Variants in UBE2W observed in about 807,000 individuals in gnomAD.
The protein encoded by UBE2W is ubiquitin conjugating enzyme E2 W.
A neutral mutation model predicts 27.2 loss-of-function variants in UBE2W; 18 were observed. That is an observed-to-expected ratio of 0.66 (90% CI 0.46 to 0.98). The LOEUF is 0.98. Ranked by LOEUF, UBE2W falls within the 50% of genes least tolerant of loss-of-function variation. The pLI, the probability that UBE2W is intolerant of heterozygous loss-of-function variation, is 0.00. For missense variants in UBE2W, 90 were observed against 180.2 expected (o/e 0.50, Z 2.87); for synonymous variants, 53 against 57.2 (o/e 0.93, Z 0.33).
intron 1 of UBE2W, among the ~76,000 whole-genome samples, chr8:73,871,811 ATTTTTT>A (rs1812018370): frequency 6.6e-6 from 1 of 152,096 alleles, no homozygotes; most frequent in Admixed American, 6.6e-5. Flanking sequence ...TCATCCCTTT[ATTTTTT>A]ATTTTTATAT....
intron 3 of UBE2W, among the ~76,000 whole-genome samples, chr8:73,816,230 T>G (rs1483352532): frequency 2.6e-5 from 4 of 152,210 alleles, no homozygotes; most frequent in Non-Finnish European, 5.9e-5. Context: ...CTTTATACTC[T>G]ATGTTCTTTT....
chr8:73,851,426 T>C (rs1464348859), intron 1 of UBE2W, among the ~76,000 whole-genome samples: 2 of 150,028 alleles, frequency 1.3e-5, no homozygotes, highest in Non-Finnish European at 2.9e-5. Context: ...TACAAGGGAT[T>C]GTGTTTTCAA....
intron 1 of UBE2W, among the ~76,000 whole-genome samples, chr8:73,844,174 C>CTCCCTCTT (rs1563612623): frequency 3.6e-5 from 5 of 138,478 alleles, no homozygotes; most frequent in African/African-American, 1.4e-4. Flanking sequence ...CCCTCCCCCT[C>CTCCCTCTT]TGCACGGACT....
At chr8:73,849,563 G>A (rs1429572966) in intron 1 of UBE2W, among the ~76,000 whole-genome samples, 2 of 135,910 alleles carry the variant, frequency 1.5e-5, no homozygotes, top group African/African-American at 5.4e-5. Context: ...TTCCAAACTA[G>A]TAGAGGTATG....
At chr8:73,851,465 A>C (rs1192266633) in intron 1 of UBE2W, among the ~76,000 whole-genome samples, 1 of 152,230 alleles carries the variant, frequency 6.6e-6, no homozygotes, top group Non-Finnish European at 1.5e-5. Context: ...ACAGGAAAAA[A>C]TATACATTTT....
intron 1 of UBE2W, chr8:73,834,032 C>T (rs1163408313): frequency 6.6e-6 from 1 of 152,354 alleles, no homozygotes; most frequent in East Asian, 1.9e-4. Context: ...GGCACCTACA[C>T]TACACCCAGC....
chr8:73,814,588 T>C (rs1809309738), intron 3 of UBE2W, among the ~76,000 whole-genome samples: 1 of 152,136 alleles, frequency 6.6e-6, no homozygotes, highest in Non-Finnish European at 1.5e-5. Flanking sequence ...GCCCGATCTC[T>C]GCTCACTGCA....
At chr8:73,805,535 A>G (rs547152760) in intron 5 of UBE2W, 116 bp downstream of exon 5, 11 of 398,198 alleles carry the variant, frequency 2.8e-5, no homozygotes, top group African/African-American at 1.5e-4. Context: ...TTTTCTTCAT[A>G]TAACATAAAT....
At chr8:73,845,000 C>T (rs368037052) in intron 1 of UBE2W, among the ~76,000 whole-genome samples, 1 of 151,946 alleles carries the variant, frequency 6.6e-6, no homozygotes, top group African/African-American at 2.4e-5. Flanking sequence ...GCAGCCGCCC[C>T]GTCCAGGAGG....
Position 73,792,397 on chromosome 8 carries a change from CCCA to C in UBE2W, c.*1702_*1704del, listed in dbSNP as rs1808241868. ...ATAGCAGACATATTTTTGAAGTCTA[CCCA>C]CCCCTGAGTTCAGCAATTATACTTT... On this transcript the variant is annotated 3_prime_UTR_variant, in exon 6 of 6. Transcript: ENST00000602593. The C allele has an allele frequency of 2.6e-5, 26 of 985,144 alleles. No individual in the cohort carries two copies. In the South Asian group the frequency reaches 1.0e-3, roughly 39 times the overall value. The allele number at this position is 985,144 out of a possible 1,614,324, so 61.0% of individuals were successfully genotyped here. A position where few individuals can be genotyped will look rare whatever the true frequency, so the allele number is the denominator to read the frequency against.
chr8:73,853,625 T>C (rs1404756608), intron 1 of UBE2W, among the ~76,000 whole-genome samples: 1 of 152,082 alleles, frequency 6.6e-6, no homozygotes, highest in Non-Finnish European at 1.5e-5. Flanking sequence ...ACATGCAACT[T>C]TGGATAAGTA....
chr8:73,808,846 G>A (rs1219432289), intron 4 of UBE2W, among the ~76,000 whole-genome samples: 1 of 152,080 alleles, frequency 6.6e-6, no homozygotes, highest in Non-Finnish European at 1.5e-5. Context: ...GAATGTAAGG[G>A]GAATGGTGAG....
rs543495313 is a variant in UBE2W at position 73,786,815 on chromosome 8, G to A, written c.*7287C>T. On this transcript the variant is annotated 3_prime_UTR_variant, in exon 6 of 6. Coordinates refer to ENST00000602593, the MANE Select transcript of UBE2W (RefSeq NM_018299.6). ...CTCAACAGGACTTGAAAAATGCAAG[G>A]AGAGGACTACTGAGTATCATTGCTT... 7.1e-6 allele frequency: 7 copies of A among 985,418 alleles called. No individual in the cohort carries two copies. The South Asian group carries it at 2.3e-4, about 33-fold the overall frequency. 61.0% of individuals were successfully genotyped at this position (985,418 alleles called of 1,614,324 possible). A position where few individuals can be genotyped will look rare whatever the true frequency, so the allele number is the denominator to read the frequency against.
At chr8:73,861,737 A>C (rs1811541845) in intron 1 of UBE2W, among the ~76,000 whole-genome samples, 1 of 152,178 alleles carries the variant, frequency 6.6e-6, no homozygotes, top group East Asian at 1.9e-4. Context: ...CTCATAACTG[A>C]GCCTATGGAA....
At chr8:73,815,511 A>G (rs879297404) in intron 3 of UBE2W, among the ~76,000 whole-genome samples, 1 of 152,254 alleles carries the variant, frequency 6.6e-6, no homozygotes, top group South Asian at 2.1e-4. Flanking sequence ...GTACACTTCT[A>G]TATGTTTATA....
At chr8:73,808,016 T>C (rs565167326) in intron 4 of UBE2W, among the ~76,000 whole-genome samples, 2 of 152,194 alleles carry the variant, frequency 1.3e-5, no homozygotes, top group Non-Finnish European at 2.9e-5. Flanking sequence ...TACAATCTAA[T>C]GACATACTGG....
chr8:73,805,113 T>C (rs1472475941), intron 5 of UBE2W, among the ~76,000 whole-genome samples: 1 of 152,052 alleles, frequency 6.6e-6, no homozygotes, highest in Non-Finnish European at 1.5e-5. Flanking sequence ...CAAAGTAATT[T>C]TACATTTTAC....
rs901624939 is a variant in UBE2W at position 73,791,102 on chromosome 8, T to C, written c.*3000A>G. On this transcript the variant is annotated 3_prime_UTR_variant, in exon 6 of 6. Transcript: ENST00000602593. ...TCTTCTGGGGATTAAAAATGATTTA[T>C]TTCCCTGCTGGCTAAAATGATAAAT... 6.1e-6 allele frequency: 6 copies of C among 984,932 alleles called. No individual in the cohort carries two copies. In the African/African-American group the frequency reaches 1.0e-4, roughly 17 times the overall value. The allele number at this position is 984,932 out of a possible 1,614,324, so 61.0% of individuals were successfully genotyped here.
At chr8:73,780,112 A>G (rs1163008161) in exon 5 of UBE2W, 2 of 153,394 alleles carry the variant, frequency 1.3e-5, no homozygotes, top group African/African-American at 2.4e-5. Context: ...AAAAGAAACC[A>G]GACATTTATT....
Sources: allele counts gnomAD v4.1 joint callset (sites outside exome capture counted in the v4.1 genomes callset), GRCh38; gene constraint gnomAD v4.1.1; transcripts MANE v1.5; gene names NCBI Gene and HGNC (gene_info 2026-07-23, HGNC 2026-07-21).